The following CFAP65 variants were observed in gnomAD, a reference collection of about 807,000 sequenced individuals.
The protein encoded by CFAP65 is cilia- and flagella-associated protein 65.
Under a neutral mutation model 208.0 loss-of-function variants are expected in CFAP65, and 155 were observed. The ratio of observed to expected loss-of-function variants is 0.75; its 90% CI spans 0.65 to 0.85. The LOEUF (loss-of-function observed/expected upper bound fraction) is 0.85, where lower values mean the gene tolerates loss of function less well. Among genes scored for constraint, CFAP65 ranks in the 40% least tolerant of loss-of-function variants. CFAP65 has a pLI of 0.00. For missense variants in CFAP65, 2,294 were observed against 2,451.3 expected (o/e 0.94, Z 1.36); for synonymous variants, 970 against 986.3 (o/e 0.98, Z 0.31).
In CFAP65 at chr2:219,017,755, A is replaced by G. The variant is rs553126430; in HGVS notation, c.3602+1296T>C. On this transcript the variant is annotated intron_variant, in intron 21 of 34. Transcript: ENST00000341552. ...GCAGTCCATGCCAGGACACAGGCCA[A>G]CACCGCTTTTTCTGCCCCCAACCCT... 2.6e-3 allele frequency among the ~76,000 whole-genome samples: 392 copies of G among 152,322 alleles called. 2 individuals carry two copies. The highest frequency in any genetic ancestry group is 8.9e-3 in the African/African-American group (368 of 41,572).
At chr2:219,036,674 C>A (rs543783742) in intron 4 of CFAP65, among the ~76,000 whole-genome samples, 23 of 152,232 alleles carry the variant, frequency 1.5e-4, no homozygotes, top group African/African-American at 5.1e-4. Context: ...GAACTCCTGA[C>A]CTCAGGTGAT....
At position 219,019,669 on chromosome 2, in the gene CFAP65, C is replaced by T. The variant is rs746265843; in HGVS notation, c.3310G>A (p.Val1104Met). Residue 1104 changes from valine (V) to methionine (M), a missense_variant, in exon 20 of 35, where the codon GTG (valine) becomes ATG (methionine). Physicochemically the swap from Val to Met is conservative, Grantham distance 21. This residue lies in a region of CFAP65 where 1,427 missense variants were observed against 1,438.7 expected (regional missense o/e 0.99). Transcript: ENST00000341552. Reference protein sequence around the residue: ...QELCCVSLVAVYPLLSILDVS... With the variant: ...QELCCVSLVAMYPLLSILDVS... The stretch of plus-strand genomic sequence containing the variant: ...TCCAGGATGGAAAGCAAGGGGTACA[C>T]GGCCACCAGGGAGACGCAGCACAGC... 16 of 1,613,568 alleles carry T rather than the reference C, an allele frequency of 9.9e-6. No individual in the cohort carries two copies. The highest frequency in any genetic ancestry group is 8.8e-5 in the South Asian group (8 of 91,084).
chr2:219,009,530 A>G, intron 27 of CFAP65, 70 bp from the exon 28 acceptor site: 3 of 923,088 alleles, frequency 3.2e-6, no homozygotes, highest in Non-Finnish European at 5.3e-6. Context: ...ACGGAATAGG[A>G]TGGGATGAGA....
At chr2:219,024,712 G>T (rs891379429) in intron 14 of CFAP65, among the ~76,000 whole-genome samples, 1 of 152,158 alleles carries the variant, frequency 6.6e-6, no homozygotes, top group Non-Finnish European at 1.5e-5. Context: ...TGAGGCAGGT[G>T]GATCACTTGT....
In CFAP65 at chr2:219,006,122, G is replaced by C. The variant is rs1945954344; in HGVS notation, c.4821C>G (p.Pro1607=). 8 of 1,613,666 alleles carry C rather than the reference G, an allele frequency of 5.0e-6. No homozygotes were observed. The highest frequency in any genetic ancestry group is 6.8e-6 in the Non-Finnish European group (8 of 1,179,982). Residue 1607 remains proline (P), a synonymous_variant, in exon 31 of 35, where the codon CCC becomes CCG. Coordinates refer to ENST00000341552, the MANE Select transcript of CFAP65 (RefSeq NM_194302.4). The part of the protein sequence containing the change: ...EEVSWPCPQP[P]SPGMLCLGLT... Reference sequence around the variant, plus strand: ...GGCCCAGGCAGAGCATGCCTGGCGAGGGTGGCTGGGGGCAGGGCCAGGACA... The same window carrying C: ...GGCCCAGGCAGAGCATGCCTGGCGACGGTGGCTGGGGGCAGGGCCAGGACA...
intron 5 of CFAP65, chr2:219,035,041 GCA>G: frequency 9.7e-6 from 3 of 308,242 alleles, no homozygotes; most frequent in South Asian, 1.0e-4. Context: ...AGAAGGTGGA[GCA>G]AGGTGGTGGA....
chr2:219,030,208 C>T lies in CFAP65; in HGVS notation c.1162G>A (p.Val388Ile). ...RQIRLHNPSAVNAPFRIEISP... is the reference protein window; with the variant it reads ...RQIRLHNPSAINAPFRIEISP... The stretch of plus-strand genomic sequence containing the variant: ...ATTTCAATCCTGAAGGGGGCATTTA[C>T]CTGTGTGGCCAAGCAGAAGGACAAA... Residue 388 changes from valine to isoleucine, a missense_variant and splice_region_variant, in exon 10 of 35, where the codon GTA becomes ATA. Around this residue, in one of 2 missense-constraint regions of CFAP65, gnomAD observed 867 missense variants for 1,012.6 expected, o/e 0.86. Coordinates refer to ENST00000341552, the MANE Select transcript of CFAP65 (RefSeq NM_194302.4). 1 of 1,613,856 alleles carries T rather than the reference C, an allele frequency of 6.2e-7. No individual in the cohort carries two copies. The highest frequency in any genetic ancestry group is 8.5e-7 in the Non-Finnish European group (1 of 1,179,882).
chr2:219,011,072 A>T (rs1457892888), intron 24 of CFAP65, 76 bp from the exon 25 acceptor site: 26 of 1,377,124 alleles, frequency 1.9e-5, no homozygotes, highest in Non-Finnish European at 2.4e-5. Flanking sequence ...TGCTGTGCCC[A>T]CTGTGGGAGG....
intron 15 of CFAP65, among the ~76,000 whole-genome samples, chr2:219,023,752 C>T (rs1239034512): frequency 6.6e-6 from 1 of 152,224 alleles, no homozygotes; most frequent in Non-Finnish European, 1.5e-5. Context: ...GTGTCTTTTG[C>T]CTCCCCCAGA....
At chr2:219,009,508 G>T in intron 27 of CFAP65, 48 bp from the exon 28 acceptor site, 1 of 1,284,474 alleles carries the variant, frequency 7.8e-7, no homozygotes, top group Non-Finnish European at 1.1e-6. Flanking sequence ...GGATGGAATT[G>T]GATAGGATGG....
Position 219,032,489 on chromosome 2 carries a change from A to G in CFAP65, c.626T>C (p.Val209Ala), listed in dbSNP as rs1163142960. The G allele has an allele frequency of 1.2e-6, 2 of 1,600,714 alleles. No individual in the cohort carries two copies. Among genetic ancestry groups the G allele is most frequent in the Non-Finnish European group, 1.7e-6 (2 of 1,173,794 alleles). The change falls in exon 6 of 35, where the codon GTC becomes GCC. Residue 209 changes from valine to alanine, a missense_variant. Transcript: ENST00000341552. The surrounding 1 kb of genome is among the most constrained non-coding windows in gnomAD (Gnocchi z 5.5). The stretch of plus-strand genomic sequence containing the variant: ...CCTTACCGCCTCCAGAGGCCGGAAG[A>G]CGATGGGGAGCGTGAGGGTTATGCC... ...SPGITLTLPI[V>A]FRPLEAKEYM... is the part of the protein sequence containing the mutation.
chr2:219,008,934 G>T, intron 29 of CFAP65, 113 bp downstream of exon 29: 1 of 751,586 alleles, frequency 1.3e-6, no homozygotes, highest in African/African-American at 1.7e-5. Context: ...TAATCTCTTA[G>T]GGCAGGCTGG....
At chr2:219,035,876 G>A (rs986598218) in intron 4 of CFAP65, among the ~76,000 whole-genome samples, 5 of 152,116 alleles carry the variant, frequency 3.3e-5, no homozygotes, top group Admixed American at 1.3e-4. Flanking sequence ...CAGACATCAC[G>A]TCTTCCAAGA....
chr2:219,027,197 G>A (rs909153254), intron 13 of CFAP65: 145 of 1,255,706 alleles, frequency 1.2e-4, no homozygotes, highest in African/African-American at 4.5e-5. Flanking sequence ...CGGAGTTCCC[G>A]ACCCAGGGAA....
Position 219,003,335 on chromosome 2 carries a change from T to G in CFAP65, c.5556-63A>C. On this transcript the variant is annotated intron_variant, in intron 33 of 34. Transcript: ENST00000341552. The surrounding 1 kb of genome is among the most constrained non-coding windows in gnomAD (Gnocchi z 4.4). ...GTGCCCGCGCGCCTCCTCGCTCGCC[T>G]GTCCGTGCGGTACATTGTGCCGCGA... 2.0e-6 allele frequency: 3 copies of G among 1,469,732 alleles called. No individual in the cohort carries two copies. Among genetic ancestry groups the G allele is most frequent in the Non-Finnish European group, 2.7e-6 (3 of 1,109,972 alleles). 91.0% of individuals were successfully genotyped at this position (1,469,732 alleles called of 1,614,324 possible).
In CFAP65 at chr2:219,003,213, A is replaced by C; in HGVS notation, c.5615T>G (p.Leu1872Arg). The change falls in exon 34 of 35, where the codon CTG becomes CGG. Residue 1872 changes from leucine (L) to arginine (R), a missense_variant. Coordinates refer to ENST00000341552, the MANE Select transcript of CFAP65 (RefSeq NM_194302.4). The surrounding 1 kb of genome is among the most constrained non-coding windows in gnomAD (Gnocchi z 4.4). ...CACCTCCCCGCGGCTCGCCTCCACC[A>C]GGATGTTCTGGATCATGTTCTCCAG... is the stretch of plus-strand genomic sequence containing the variant. ...ALLENMIQNI[L>R]VEASRGEVVL... 4.5e-6 allele frequency: 7 copies of C among 1,548,874 alleles called. No homozygotes were observed. The highest frequency in any genetic ancestry group is 6.1e-6 in the Non-Finnish European group (7 of 1,146,114).
chr2:219,031,440 C>T lies in CFAP65; in HGVS notation c.815+49G>A, dbSNP rs766516535. ...GCCTGTCTCTCCTGCTTCCAGACAC[C>T]CTCCTCACAGCTCTTGCTCTCCCCG... On this transcript the variant is annotated intron_variant, in intron 7 of 34. Coordinates refer to ENST00000341552, the MANE Select transcript of CFAP65 (RefSeq NM_194302.4). The surrounding 1 kb of genome is among the most constrained non-coding windows in gnomAD (Gnocchi z 5.2). 6.2e-7 allele frequency: 1 copy of T among 1,613,472 alleles called. No individual in the cohort carries two copies. Among genetic ancestry groups the T allele is most frequent in the South Asian group, 1.1e-5 (1 of 90,992 alleles).
chr2:219,028,111 G>A, intron 12 of CFAP65, 90 bp downstream of exon 12: 1 of 1,559,292 alleles, frequency 6.4e-7, no homozygotes, highest in Non-Finnish European at 8.7e-7. Context: ...CAGTCGCCCT[G>A]ACTACTAATG....
At position 219,021,350 on chromosome 2, in the gene CFAP65, A is replaced by G. The variant is rs1023400996; in HGVS notation, c.3131-70T>C. 4.6e-5 allele frequency: 67 copies of G among 1,458,914 alleles called. 1 individual carries two copies. In the Admixed American group the frequency reaches 1.6e-3, roughly 34 times the overall value. The allele number at this position is 1,458,914 out of a possible 1,614,324, so 90.4% of individuals were successfully genotyped here. ...AGCCATTCCTCCTGCTCCTTTGTAG[A>G]TACCCTTCCCTGGGCACCAGGGGAG... is the stretch of plus-strand genomic sequence containing the variant. On this transcript the variant is annotated intron_variant, in intron 18 of 34. Coordinates refer to ENST00000341552, the MANE Select transcript of CFAP65 (RefSeq NM_194302.4).
Sources: allele counts gnomAD v4.1 joint callset (sites outside exome capture counted in the v4.1 genomes callset), GRCh38; gene constraint gnomAD v4.1.1; regional missense constraint gnomAD v4.1.1; non-coding constraint Gnocchi (gnomAD v3.1); transcripts MANE v1.5; gene names NCBI Gene and HGNC (gene_info 2026-07-23, HGNC 2026-07-21).